Variants in TFCP2 observed in about 807,000 individuals in gnomAD.
TFCP2 encodes transcription factor CP2.
In TFCP2, 33 loss-of-function variants were observed where a neutral mutation model predicts 73.4. The observed-to-expected ratio is 0.45, with a 90% confidence interval of 0.34 to 0.60. TFCP2 has a LOEUF of 0.60. Ranked by LOEUF, TFCP2 falls within the 20% of genes least tolerant of loss-of-function variation. The pLI is 0.01. For missense variants in TFCP2, 352 were observed against 604.0 expected, an observed-to-expected ratio of 0.58 and a Z score of 4.37; for synonymous variants, 193 against 211.6, an observed-to-expected ratio of 0.91 and a Z score of 0.76.
At chr12:51,149,609 T>C (rs911334506) in intron 1 of TFCP2, among the ~76,000 whole-genome samples, 2 of 150,956 alleles carry the variant, frequency 1.3e-5, no homozygotes, top group Non-Finnish European at 2.9e-5. Context: ...ATTTTTTTTC[T>C]TTTTTTTCGA....
chr12:51,095,302 G>GAA (rs1566195546), intron 14 of TFCP2, 24 bp from the exon 15 acceptor site: 1 of 1,609,750 alleles, frequency 6.2e-7, no homozygotes, highest in East Asian at 2.2e-5. Flanking sequence ...GAGAGAGAGA[G>GAA]AATCATCTTT....
intron 4 of TFCP2, among the ~76,000 whole-genome samples, chr12:51,115,295 T>C (rs1319740113): frequency 6.6e-6 from 1 of 151,908 alleles, no homozygotes; most frequent in East Asian, 2.0e-4. Context: ...AATTTCTTTG[T>C]ATTTTGAGTG....
intron 3 of TFCP2, among the ~76,000 whole-genome samples, chr12:51,117,397 CA>C (rs1231561976): frequency 6.6e-6 from 1 of 152,102 alleles, no homozygotes; most frequent in Non-Finnish European, 1.5e-5. Context: ...TTACTCCACC[CA>C]AAAGAACTTC....
At chr12:51,140,882 G>A (rs918310497) in intron 1 of TFCP2, among the ~76,000 whole-genome samples, 7 of 151,720 alleles carry the variant, frequency 4.6e-5, no homozygotes, top group South Asian at 4.2e-4. Context: ...ATGGTGAAAC[G>A]CTGTCTCTAC....
intron 12 of TFCP2, 70 bp from the exon 13 acceptor site, chr12:51,098,988 G>A: frequency 2.0e-6 from 3 of 1,523,204 alleles, no homozygotes; most frequent in Non-Finnish European, 2.7e-6. Flanking sequence ...TTGATCACTA[G>A]GAATGCCCAC....
intron 1 of TFCP2, among the ~76,000 whole-genome samples, chr12:51,140,324 G>A (rs537165910): frequency 6.6e-6 from 1 of 152,096 alleles, no homozygotes; most frequent in Admixed American, 6.5e-5. Flanking sequence ...CAATACTTTG[G>A]GAGGCTGAGG....
At position 51,163,519 on chromosome 12, in the gene TFCP2, G is replaced by T. The variant is rs1941693035; in HGVS notation, c.122+8782C>A. Among the ~76,000 whole-genome samples, 8 of 152,248 alleles carry T rather than the reference G, an allele frequency of 5.3e-5. No homozygotes were observed. In the South Asian group the frequency reaches 1.7e-3, roughly 32 times the overall value. ...GCAGGAGAATCGCTTGAACTTGGGAGGCAGAGGTTGCAGTGAGCCAAGATC... is the reference window on the plus strand; with the variant it reads ...GCAGGAGAATCGCTTGAACTTGGGATGCAGAGGTTGCAGTGAGCCAAGATC... On this transcript the variant is annotated intron_variant, in intron 1 of 14. Transcript: ENST00000257915.
At chr12:51,170,240 C>T (rs1014201313) in intron 1 of TFCP2, among the ~76,000 whole-genome samples, 10 of 152,186 alleles carry the variant, frequency 6.6e-5, no homozygotes, top group Admixed American at 5.2e-4. Context: ...ACTAAGAACA[C>T]TGCATGATAG....
rs1291089163 is a variant in TFCP2, at chr12:51,098,773, T to C, written c.1419+3A>G. On this transcript the variant is annotated splice_donor_region_variant and intron_variant, in intron 13 of 14. Transcript: ENST00000257915. ...GGTAATTCAACTGTACTGAAAAATC[T>C]ACCTCATCACTGATGAGCACATGAA... 1.2e-6 allele frequency: 2 copies of C among 1,614,140 alleles called. No homozygotes were observed. Among genetic ancestry groups the C allele is most frequent in the Non-Finnish European group, 1.7e-6 (2 of 1,179,986 alleles).
rs562278093 is a variant in TFCP2 at position 51,166,320 on chromosome 12, T to A, written c.122+5981A>T. Among the ~76,000 whole-genome samples the A allele has an allele frequency of 5.0e-4, 74 of 148,420 alleles. No individual in the cohort carries two copies. In the Middle Eastern group the frequency reaches 0.024, roughly 48 times the overall value. The stretch of plus-strand genomic sequence containing the variant: ...AGATCGAAAACTCCATCTCAAAAAA[T>A]AATAATAATAATAAATAATAAATAA... On this transcript the variant is annotated intron_variant, in intron 1 of 14. Transcript: ENST00000257915.
At chr12:51,163,958 G>A (rs561480102) in intron 1 of TFCP2, among the ~76,000 whole-genome samples, 38 of 149,554 alleles carry the variant, frequency 2.5e-4, no homozygotes, top group Middle Eastern at 3.6e-3. Flanking sequence ...TAATCCCAGC[G>A]CTTTGGGAGG....
chr12:51,148,292 C>T (rs868747770), intron 1 of TFCP2, among the ~76,000 whole-genome samples: 8 of 152,198 alleles, frequency 5.3e-5, no homozygotes, highest in Middle Eastern at 6.8e-3. Flanking sequence ...GGGTATCTAC[C>T]CAGAGGAAAA....
At chr12:51,157,053 T>A (rs1222289292) in intron 1 of TFCP2, 1 of 151,782 alleles carries the variant, frequency 6.6e-6, no homozygotes, top group Admixed American at 6.6e-5. Context: ...TTCACTCTTG[T>A]TGTCCAGGCT....
In TFCP2 at chr12:51,106,868, T is replaced by A. The variant is rs1164085922; in HGVS notation, c.829-255A>T. ...GCCATTTTTGTTGGTTATAAGTGGG[T>A]TCCAGAACCAAAGGCAGCACACAGC... On this transcript the variant is annotated intron_variant, in intron 7 of 14. Transcript: ENST00000257915. The A allele has an allele frequency of 8.1e-6, 4 of 493,650 alleles. No homozygotes were observed. The East Asian group carries it at 1.6e-4, about 20-fold the overall frequency. 30.6% of individuals were successfully genotyped at this position (493,650 alleles called of 1,614,324 possible).
At chr12:51,109,404 C>T in intron 5 of TFCP2, 131 bp from the exon 6 acceptor site, 1 of 835,614 alleles carries the variant, frequency 1.2e-6, no homozygotes, top group Non-Finnish European at 1.8e-6. Context: ...CACTTTTCCT[C>T]TTTTTGATCT....
intron 1 of TFCP2, among the ~76,000 whole-genome samples, chr12:51,148,981 C>T (rs73305742): frequency 0.089 from 11,797 of 133,292 alleles, 535 homozygotes; most frequent in Middle Eastern, 0.15. Context: ...GCCAAGACTG[C>T]GCTGCTGCAC....
chr12:51,095,145 T>C lies in TFCP2; in HGVS notation c.*96A>G. The C allele has an allele frequency of 1.2e-5, 16 of 1,371,132 alleles. No individual in the cohort carries two copies. The highest frequency in any genetic ancestry group is 1.7e-5 in the Non-Finnish European group (16 of 958,862). The allele number at this position is 1,371,132 out of a possible 1,614,324, so 84.9% of individuals were successfully genotyped here. A position where few individuals can be genotyped will look rare whatever the true frequency, so the allele number is the denominator to read the frequency against. On this transcript the variant is annotated 3_prime_UTR_variant, in exon 15 of 15. Transcript: ENST00000257915. ...ACACACAGTCAGACGAGTCAGGTTC[T>C]TGCAGACCTTCAAATCTCCATTCAT... is the stretch of plus-strand genomic sequence containing the variant.
rs546071075 is a variant in TFCP2, at chr12:51,123,641, A to G, written c.123-4869T>C. Among the ~76,000 whole-genome samples, 4 of 152,188 alleles carry G rather than the reference A, an allele frequency of 2.6e-5. No individual in the cohort carries two copies. The East Asian group carries it at 5.8e-4, about 22-fold the overall frequency. On this transcript the variant is annotated intron_variant, in intron 1 of 14. Coordinates refer to ENST00000257915, the MANE Select transcript of TFCP2 (RefSeq NM_005653.5). The stretch of plus-strand genomic sequence containing the variant: ...GAGGTCTTGCTATGTTGCCCAGAGT[A>G]GTCTCAAACTCCAAGCCTCAAGTAA...
intron 1 of TFCP2, among the ~76,000 whole-genome samples, chr12:51,125,940 G>A (rs571892549): frequency 1.8e-4 from 27 of 152,180 alleles, no homozygotes; most frequent in Middle Eastern, 3.4e-3. Context: ...TACTAAAAAT[G>A]CAAAAATTGG....
Sources: allele counts gnomAD v4.1 joint callset (sites outside exome capture counted in the v4.1 genomes callset), GRCh38; gene constraint gnomAD v4.1.1; transcripts MANE v1.5; gene names NCBI Gene and HGNC (gene_info 2026-07-23, HGNC 2026-07-21).